RAPGEF6: variants seen among roughly 807,000 people sequenced by gnomAD.
The protein encoded by RAPGEF6 is PDZ domain containing guanine nucleotide exchange factor (GEF) 2.
RAPGEF6 carries 56 observed loss-of-function variants against 171.4 expected under a neutral mutation model. The ratio of observed to expected loss-of-function variants is 0.33; its 90% confidence interval spans 0.26 to 0.41. The LOEUF is 0.41. RAPGEF6 is among the 10% of genes least tolerant of loss of function. The probability of loss-of-function intolerance (pLI) is 1.00; values close to 1 mark genes in which losing one functional copy is unlikely to be tolerated. For synonymous variants in RAPGEF6, 692 were observed against 650.1 expected, an observed-to-expected ratio of 1.06 and a Z score of -0.98; for missense variants, 1,674 against 1,921.4, an observed-to-expected ratio of 0.87 and a Z score of 2.41.
At chr5:131,518,518 C>T (rs1758254047) in intron 7 of RAPGEF6, among the ~76,000 whole-genome samples, 1 of 151,948 alleles carries the variant, frequency 6.6e-6, no homozygotes, top group African/African-American at 2.4e-5. Flanking sequence ...CTGCCTCAGC[C>T]TCCTGAGTAG....
chr5:131,431,456 T>C, intron 25 of RAPGEF6, 107 bp from the exon 26 acceptor site: 2 of 1,203,210 alleles, frequency 1.7e-6, no homozygotes, highest in Non-Finnish European at 2.3e-6. Flanking sequence ...GTACCACAAG[T>C]GTTCATGCCA....
At chr5:131,516,285 T>C (rs1197370473) in intron 7 of RAPGEF6, among the ~76,000 whole-genome samples, 2 of 152,074 alleles carry the variant, frequency 1.3e-5, no homozygotes, top group Admixed American at 1.3e-4. Context: ...GGTTTTGCTA[T>C]GTTAGCCAGG....
chr5:131,492,913 G>T, intron 13 of RAPGEF6, 128 bp from the exon 14 acceptor site: 1 of 823,316 alleles, frequency 1.2e-6, no homozygotes, highest in South Asian at 1.8e-5. Flanking sequence ...CAAAATTGAA[G>T]AAGGGGGCAC....
intron 7 of RAPGEF6, among the ~76,000 whole-genome samples, chr5:131,511,767 C>T (rs913327881): frequency 2.0e-5 from 3 of 152,146 alleles, no homozygotes; most frequent in Non-Finnish European, 4.4e-5. Context: ...TCCCAAAATG[C>T]TGGGATTACA....
At chr5:131,537,073 G>A (rs563961809) in intron 6 of RAPGEF6, among the ~76,000 whole-genome samples, 1 of 152,232 alleles carries the variant, frequency 6.6e-6, no homozygotes, top group South Asian at 2.1e-4. Context: ...GCATTAATTT[G>A]TTTGCTATGT....
intron 4 of RAPGEF6, among the ~76,000 whole-genome samples, chr5:131,590,225 C>A (rs1221590616): frequency 3.3e-5 from 5 of 152,062 alleles, no homozygotes; most frequent in African/African-American, 9.7e-5. Context: ...CATGGTGAAA[C>A]CCTGTCTTTA....
At chr5:131,623,961 A>C (rs751219821) in intron 1 of RAPGEF6, among the ~76,000 whole-genome samples, 1 of 152,204 alleles carries the variant, frequency 6.6e-6, no homozygotes, top group East Asian at 1.9e-4. Flanking sequence ...CGGTGGAAGA[A>C]GGCGCAAAGT....
chr5:131,535,634 T>G lies in RAPGEF6; in HGVS notation c.495+12413A>C, dbSNP rs79400095. ...AAAGGTCTTTTGCACTACTATAAAA[T>G]AGAGCAATGTATGTTGACTTTGCAA... On this transcript the variant is annotated intron_variant, in intron 6 of 27. Transcript: ENST00000509018. Among the ~76,000 whole-genome samples, 412 of 152,264 alleles carry G rather than the reference T, an allele frequency of 2.7e-3. 1 individual carries two copies. Among genetic ancestry groups the G allele is most frequent in the African/African-American group, 9.5e-3 (393 of 41,578 alleles).
chr5:131,518,170 C>T lies in RAPGEF6; in HGVS notation c.627+3220G>A, dbSNP rs749653391. Among the ~76,000 whole-genome samples, 3 of 150,882 alleles carry T rather than the reference C, an allele frequency of 2.0e-5. No individual in the cohort carries two copies. In the East Asian group the frequency reaches 5.8e-4, roughly 29 times the overall value. On this transcript the variant is annotated intron_variant, in intron 7 of 27. Coordinates refer to ENST00000509018, the MANE Select transcript of RAPGEF6 (RefSeq NM_016340.6). ...TATACAGGTATATATATTTATTTAACGAAATATAAATAAAATGTTAAAAAT... is the reference window on the plus strand; with the variant it reads ...TATACAGGTATATATATTTATTTAATGAAATATAAATAAAATGTTAAAAAT...
In RAPGEF6 at chr5:131,461,712, T is replaced by C. The variant is rs375902814; in HGVS notation, c.2857A>G (p.Ile953Val). 5 of 1,595,952 alleles carry C rather than the reference T, an allele frequency of 3.1e-6. No individual in the cohort carries two copies. The African/African-American group carries it at 4.0e-5, about 13-fold the overall frequency. ...ECKNFNSMFA[I>V]ISGLNLASVA... ...CTATTTGTACCAACTTACCTTATTATTGCAAACATGGAATTGAAGTTCTTA... is the reference window on the plus strand; with the variant it reads ...CTATTTGTACCAACTTACCTTATTACTGCAAACATGGAATTGAAGTTCTTA... The change falls in exon 19 of 28, where the codon ATA becomes GTA. Residue 953 changes from isoleucine to valine, a missense_variant. By Grantham distance (29) the Ile-to-Val change is conservative. Coordinates refer to ENST00000509018, the MANE Select transcript of RAPGEF6 (RefSeq NM_016340.6).
At chr5:131,599,950 C>T (rs1278368940) in intron 3 of RAPGEF6, among the ~76,000 whole-genome samples, 1 of 152,176 alleles carries the variant, frequency 6.6e-6, no homozygotes, top group Non-Finnish European at 1.5e-5. Context: ...TGGATAAAGT[C>T]TCAGACCCCA....
In RAPGEF6 at chr5:131,559,189, C is replaced by T. The variant is rs1356531049; in HGVS notation, c.351+2789G>A. Among the ~76,000 whole-genome samples, 5 of 152,124 alleles carry T rather than the reference C, an allele frequency of 3.3e-5. No homozygotes were observed. The South Asian group carries it at 6.2e-4, about 19-fold the overall frequency. ...ACTAAAAATACAAAAATTAGCTGCA[C>T]GTGGTGGCGCACACCTGTAATCCCA... On this transcript the variant is annotated intron_variant, in intron 5 of 27. Coordinates refer to ENST00000509018, the MANE Select transcript of RAPGEF6 (RefSeq NM_016340.6).
In RAPGEF6 at chr5:131,504,428, C is replaced by G. The variant is rs952952308; in HGVS notation, c.1254+198G>C. ...AGTGAGCTGAGATTGTGCTATTGCA[C>G]TCCAGCCTGGGCAACAGAGTGAGAC... On this transcript the variant is annotated intron_variant, in intron 11 of 27. Transcript: ENST00000509018. Among the ~76,000 whole-genome samples, 53 of 151,430 alleles carry G rather than the reference C, an allele frequency of 3.5e-4. 1 individual carries two copies. Among genetic ancestry groups the G allele is most frequent in the African/African-American group, 1.1e-3 (46 of 41,128 alleles).
intron 4 of RAPGEF6, among the ~76,000 whole-genome samples, chr5:131,574,094 C>T (rs1485576155): frequency 6.6e-6 from 1 of 152,192 alleles, no homozygotes; most frequent in Non-Finnish European, 1.5e-5. Context: ...ATCCAAGCCA[C>T]AGCTCCCATG....
intron 4 of RAPGEF6, among the ~76,000 whole-genome samples, 163 bp from the exon 5 acceptor site, chr5:131,562,210 A>G (rs903181564): frequency 6.6e-6 from 1 of 152,028 alleles, no homozygotes; most frequent in African/African-American, 2.4e-5. Context: ...AAGAAAGAAA[A>G]AAAAAAACCT....
At chr5:131,633,184 T>C (rs935383415) in intron 1 of RAPGEF6, among the ~76,000 whole-genome samples, 4 of 151,836 alleles carry the variant, frequency 2.6e-5, no homozygotes, top group African/African-American at 9.7e-5. Flanking sequence ...ATACAAAAAT[T>C]AGCTGGGCAT....
intron 7 of RAPGEF6, among the ~76,000 whole-genome samples, chr5:131,517,028 A>G (rs1473637117): frequency 6.6e-6 from 1 of 152,224 alleles, no homozygotes; most frequent in Non-Finnish European, 1.5e-5. Context: ...CAGGAAAACC[A>G]AATCCCGCAT....
chr5:131,501,707 G>A (rs1310786520), intron 11 of RAPGEF6, among the ~76,000 whole-genome samples: 2 of 151,976 alleles, frequency 1.3e-5, no homozygotes, highest in African/African-American at 2.4e-5. Context: ...TGCTTACAAT[G>A]AGCAAATAAT....
intron 15 of RAPGEF6, among the ~76,000 whole-genome samples, chr5:131,483,822 C>G (rs986902544): frequency 6.6e-6 from 1 of 151,842 alleles, no homozygotes; most frequent in Admixed American, 6.6e-5. Flanking sequence ...TTACAGAGGC[C>G]GGGCGTGGTG....
Sources: gnomAD v4.1 joint callset for allele counts (sites outside exome capture counted in the v4.1 genomes callset) on GRCh38, gnomAD v4.1.1 for gene constraint, MANE v1.5 for transcripts, NCBI Gene and HGNC (gene_info 2026-07-23, HGNC 2026-07-21) for gene names.